SPACA6: variants seen among roughly 807,000 people sequenced by gnomAD.
SPACA6 encodes the protein sperm acrosome associated 6.
For synonymous variants in SPACA6, 6 were observed against 1.5 expected (o/e 4.05, Z -2.21); for missense variants, 8 against 2.8 (o/e 2.88, Z -1.34).
intron 2 of SPACA6, among the ~76,000 whole-genome samples, chr19:51,698,452 G>A (rs746194288): frequency 1.3e-5 from 2 of 152,036 alleles, no homozygotes; most frequent in Non-Finnish European, 2.9e-5. Context: ...TATATCCCAC[G>A]CTCACCCTGC....
upstream of SPACA6, among the ~76,000 whole-genome samples, chr19:51,691,345 A>AGGGAAGGGGCGGAGGGAG (rs2083370700): frequency 6.7e-6 from 1 of 149,882 alleles, no homozygotes; most frequent in Non-Finnish European, 1.5e-5. Context: ...GGATGGAGAG[A>AGGGAAGGGGCGGAGGGAG]GGGAAGGGGC....
At chr19:51,706,609 C>T (rs1236377282), downstream of SPACA6, among the ~76,000 whole-genome samples, 3 of 152,196 alleles carry the variant, frequency 2.0e-5, no homozygotes, top group Non-Finnish European at 4.4e-5. Flanking sequence ...CCTCTCTCTC[C>T]CTGTTTGACA....
upstream of SPACA6, chr19:51,688,354 A>T (rs2083338434): frequency 6.5e-6 from 1 of 152,934 alleles, no homozygotes; most frequent in Non-Finnish European, 1.5e-5. Flanking sequence ...CCTTCTCTGG[A>T]GGTCCTCTCT....
At position 51,703,398 on chromosome 19, in the gene SPACA6, T is replaced by C. The variant is rs567935318; in HGVS notation, c.573+61T>C. Reference sequence around the variant, plus strand: ...CGGGCGAGTTAGCCTTCACTAGAGGTTGGGGAGTCAGCTTGCGGGGACGGG... The same window carrying C: ...CGGGCGAGTTAGCCTTCACTAGAGGCTGGGGAGTCAGCTTGCGGGGACGGG... On this transcript the variant is annotated intron_variant, in intron 6 of 8. Coordinates refer to ENST00000637797, the MANE Select transcript of SPACA6 (RefSeq NM_001316972.2). The surrounding 1 kb of genome is among the most constrained non-coding windows in gnomAD (Gnocchi z 4.2). 4 of 397,876 alleles carry C rather than the reference T, an allele frequency of 1.0e-5. No homozygotes were observed. The highest frequency in any genetic ancestry group is 2.6e-4 in the South Asian group (2 of 7,738). 24.6% of individuals were successfully genotyped at this position (397,876 alleles called of 1,614,324 possible).
downstream of SPACA6, among the ~76,000 whole-genome samples, chr19:51,708,357 C>CAG (rs1555793720): frequency 6.6e-6 from 1 of 151,840 alleles, no homozygotes; most frequent in East Asian, 1.9e-4. Flanking sequence ...AATAAGAAAA[C>CAG]AGTAAAATAC....
chr19:51,699,156 C>T (rs879858319), intron 2 of SPACA6, among the ~76,000 whole-genome samples: 23 of 152,248 alleles, frequency 1.5e-4, no homozygotes, highest in Admixed American at 1.4e-3. Context: ...ACTACAAGCA[C>T]ACCATCACAC....
chr19:51,708,556 G>C (rs2083527093), downstream of SPACA6, among the ~76,000 whole-genome samples: 1 of 152,150 alleles, frequency 6.6e-6, no homozygotes, highest in Non-Finnish European at 1.5e-5. Context: ...GCCAGGCGAG[G>C]TGACTCATGC....
At chr19:51,692,317 G>C (rs548638453), upstream of SPACA6, among the ~76,000 whole-genome samples, 1 of 152,212 alleles carries the variant, frequency 6.6e-6, no homozygotes, top group Non-Finnish European at 1.5e-5. The surrounding 1 kb of genome is among the most constrained non-coding windows in gnomAD (Gnocchi z 5.6). Context: ...GGAGGGAGGA[G>C]GGGCTGGGGG....
At chr19:51,706,044 G>C (rs969908964), downstream of SPACA6, among the ~76,000 whole-genome samples, 2 of 152,064 alleles carry the variant, frequency 1.3e-5, no homozygotes, top group South Asian at 4.1e-4. Context: ...CCTCTACCCA[G>C]AATCCTTTAG....
downstream of SPACA6, among the ~76,000 whole-genome samples, chr19:51,706,255 G>A (rs1001405492): frequency 2.0e-5 from 3 of 151,976 alleles, no homozygotes; most frequent in Non-Finnish European, 2.9e-5. Context: ...TAGGGTCTTG[G>A]TTCACACTGT....
downstream of SPACA6, chr19:51,705,293 A>G (rs1409476696): frequency 1.0e-5 from 4 of 392,240 alleles, no homozygotes; most frequent in Non-Finnish European, 1.8e-5. Context: ...TGACAGTGAT[A>G]GGCATAGCTA....
chr19:51,695,935 T>G (rs1422712214), intron 2 of SPACA6, among the ~76,000 whole-genome samples: 1 of 152,160 alleles, frequency 6.6e-6, no homozygotes, highest in Non-Finnish European at 1.5e-5. Context: ...CTGTGCCTGT[T>G]GGGCGGTGGG....
At chr19:51,700,420 G>A (rs973398707) in intron 2 of SPACA6, among the ~76,000 whole-genome samples, 2 of 152,222 alleles carry the variant, frequency 1.3e-5, no homozygotes, top group African/African-American at 2.4e-5. Context: ...ATGGAAATGC[G>A]ATCTCTGTGT....
upstream of SPACA6, among the ~76,000 whole-genome samples, chr19:51,691,915 C>A (rs1048494268): frequency 2.6e-5 from 4 of 152,044 alleles, no homozygotes; most frequent in African/African-American, 9.7e-5. Context: ...ACTTTGGGAG[C>A]CTCTTCCCCT....
At chr19:51,699,174 A>G (rs1438039013) in intron 2 of SPACA6, among the ~76,000 whole-genome samples, 3 of 152,130 alleles carry the variant, frequency 2.0e-5, no homozygotes, top group Admixed American at 2.0e-4. Context: ...CACCTGGCTA[A>G]TTTATAAAAA....
chr19:51,705,647 G>T (rs2122231307), downstream of SPACA6, among the ~76,000 whole-genome samples: 1 of 151,432 alleles, frequency 6.6e-6, no homozygotes, highest in African/African-American at 2.4e-5. Flanking sequence ...CACCTCCTTG[G>T]CCTCTCTCCA....
At chr19:51,686,444 GT>G (rs1341989987), upstream of SPACA6, 4 of 152,196 alleles carry the variant, frequency 2.6e-5, no homozygotes, top group Admixed American at 1.3e-4. Context: ...GACAAGGACT[GT>G]GATGTGGTGC....
At chr19:51,693,830 CAG>C (rs1250121362) in intron 1 of SPACA6, 90 bp downstream of exon 1, 1 of 401,230 alleles carries the variant, frequency 2.5e-6, no homozygotes, top group African/African-American at 2.1e-5. Context: ...GAGGGACAGA[CAG>C]AGAGAAACAG....
chr19:51,684,869 G>A (rs934058065), upstream of SPACA6, among the ~76,000 whole-genome samples: 1 of 152,202 alleles, frequency 6.6e-6, no homozygotes, highest in African/African-American at 2.4e-5. Context: ...GGCTCTGCCA[G>A]TGTGGGGATT....
Sources: gnomAD v4.1 joint callset for allele counts (sites outside exome capture counted in the v4.1 genomes callset) on GRCh38, gnomAD v4.1.1 for gene constraint, Gnocchi (gnomAD v3.1) non-coding constraint, MANE v1.5 for transcripts, NCBI Gene and HGNC (gene_info 2026-07-23, HGNC 2026-07-21) for gene names.